MBNL1: variants seen among roughly 807,000 people sequenced by gnomAD.
The protein encoded by MBNL1 is muscleblind like splicing regulator 1.
Under a neutral mutation model 42.2 loss-of-function variants are expected in MBNL1, and 8 were observed. The ratio of observed to expected loss-of-function variants is 0.19; its 90% CI spans 0.11 to 0.34. The LOEUF is 0.34. Ranked by LOEUF, MBNL1 falls within the 10% of genes least tolerant of loss-of-function variation. The pLI is 1.00. For synonymous variants in MBNL1, 169 were observed against 173.9 expected, an observed-to-expected ratio of 0.97 and a Z score of 0.22; for missense variants, 309 against 495.3, an observed-to-expected ratio of 0.62 and a Z score of 3.57.
At chr3:152,458,318 T>G (rs1308631030) in intron 8 of MBNL1, 1 of 771,478 alleles carries the variant, frequency 1.3e-6, no homozygotes, top group African/African-American at 1.7e-5. Flanking sequence ...CACGCCAGAC[T>G]GTGGATTGTA....
rs1173617672 is a variant in MBNL1 at position 152,444,615 on chromosome 3, C to T, written c.550-667C>T. On this transcript the variant is annotated intron_variant, in intron 4 of 9. Coordinates refer to ENST00000324210, the MANE Select transcript of MBNL1 (RefSeq NM_021038.5). The stretch of plus-strand genomic sequence containing the variant: ...TATCTTACATAACTGTAGAATCCCT[C>T]TTAAGACCAGAAAAATTAACATAGA... Among the ~76,000 whole-genome samples, 4 of 152,340 alleles carry T rather than the reference C, an allele frequency of 2.6e-5. No homozygotes were observed. In the South Asian group the frequency reaches 8.3e-4, roughly 32 times the overall value.
intron 2 of MBNL1, among the ~76,000 whole-genome samples, chr3:152,248,334 T>C (rs769017241): frequency 1.9e-4 from 29 of 152,170 alleles, no homozygotes; most frequent in Non-Finnish European, 3.8e-4. Flanking sequence ...AAACTCTTGT[T>C]ACACTTCACC....
At chr3:152,328,806 T>G (rs181824354) in intron 2 of MBNL1, among the ~76,000 whole-genome samples, 1 of 152,300 alleles carries the variant, frequency 6.6e-6, no homozygotes, top group East Asian at 1.9e-4. Flanking sequence ...TGGATTTTTT[T>G]AAAAACAATA....
intron 2 of MBNL1, among the ~76,000 whole-genome samples, chr3:152,358,140 G>C (rs2095661359): frequency 6.6e-6 from 1 of 152,176 alleles, no homozygotes; most frequent in Non-Finnish European, 1.5e-5. Context: ...CATCAGTGAG[G>C]ACAGTTTCAG....
At chr3:152,404,712 A>G (rs916638180) in intron 2 of MBNL1, among the ~76,000 whole-genome samples, 5 of 150,014 alleles carry the variant, frequency 3.3e-5, no homozygotes, top group Non-Finnish European at 7.4e-5. Context: ...ATGTATATAT[A>G]CACACACAAA....
intron 2 of MBNL1, among the ~76,000 whole-genome samples, chr3:152,377,702 T>C (rs963986607): frequency 6.6e-6 from 1 of 152,220 alleles, no homozygotes; most frequent in Non-Finnish European, 1.5e-5. Context: ...TTTAAAATTA[T>C]TTAACATTGA....
chr3:152,272,265 A>G (rs764626591), intron 1 of MBNL1, among the ~76,000 whole-genome samples: 3 of 152,138 alleles, frequency 2.0e-5, no homozygotes, highest in Non-Finnish European at 4.4e-5. Flanking sequence ...CCAAAATTTG[A>G]GAAAACACAC....
chr3:152,437,374 G>A (rs2099092354), intron 4 of MBNL1, among the ~76,000 whole-genome samples: 2 of 152,106 alleles, frequency 1.3e-5, no homozygotes, highest in South Asian at 4.1e-4. Flanking sequence ...CACCCAGTGT[G>A]ATACTACAGA....
chr3:152,429,792 TTG>T (rs375863735), intron 3 of MBNL1, among the ~76,000 whole-genome samples: 52 of 149,544 alleles, frequency 3.5e-4, no homozygotes, highest in Admixed American at 2.7e-4. Flanking sequence ...TGGTGTGTGT[TTG>T]TGTGTGTGTG....
chr3:152,379,028 T>A (rs369856722), intron 2 of MBNL1, among the ~76,000 whole-genome samples: 40 of 152,296 alleles, frequency 2.6e-4, no homozygotes, highest in African/African-American at 8.9e-4. Context: ...AAGTTTAAAA[T>A]GTATGTTTGT....
At chr3:152,401,114 A>G (rs970948492) in intron 2 of MBNL1, among the ~76,000 whole-genome samples, 1 of 152,242 alleles carries the variant, frequency 6.6e-6, no homozygotes, top group African/African-American at 2.4e-5. Context: ...TAAGCTTTAC[A>G]GTATTGTCAA....
intron 1 of MBNL1, among the ~76,000 whole-genome samples, chr3:152,277,260 A>C (rs2045790293): frequency 6.6e-6 from 1 of 152,180 alleles, no homozygotes; most frequent in South Asian, 2.1e-4. Flanking sequence ...TGGTAATTTT[A>C]AAGTAAACAT....
chr3:152,381,738 A>G (rs2097188428), intron 2 of MBNL1, among the ~76,000 whole-genome samples: 1 of 151,816 alleles, frequency 6.6e-6, no homozygotes, highest in Non-Finnish European at 1.5e-5. Context: ...TTTGTTTTTA[A>G]TTTTTCTGAT....
rs2059153584 is a variant in MBNL1 at position 152,297,548 on chromosome 3, G to T, written c.-789-1857G>T. Among the ~76,000 whole-genome samples the T allele has an allele frequency of 1.3e-5, 2 of 151,848 alleles. 1 individual carries two copies. Among genetic ancestry groups the T allele is most frequent in the South Asian group, 4.2e-4 (2 of 4,808 alleles). On this transcript the variant is annotated intron_variant, in intron 1 of 9. Coordinates refer to ENST00000324210, the MANE Select transcript of MBNL1 (RefSeq NM_021038.5). The stretch of plus-strand genomic sequence containing the variant: ...GTATTTCAGTATTTTTAGAGACAGG[G>T]TTTTGCCATGTTGACCAGGTTGGTC...
intron 4 of MBNL1, among the ~76,000 whole-genome samples, chr3:152,436,075 A>T (rs1223692391): frequency 6.6e-6 from 1 of 152,112 alleles, no homozygotes; most frequent in Non-Finnish European, 1.5e-5. Context: ...GTGCTGATAA[A>T]TTTTACTGAG....
chr3:152,386,432 C>T (rs563851986), intron 2 of MBNL1, among the ~76,000 whole-genome samples: 2 of 152,132 alleles, frequency 1.3e-5, no homozygotes, highest in East Asian at 3.9e-4. Flanking sequence ...ATGGCAACAA[C>T]TTTTAATTGG....
intron 2 of MBNL1, among the ~76,000 whole-genome samples, chr3:152,316,323 G>A (rs914898223): frequency 6.6e-6 from 1 of 152,204 alleles, no homozygotes; most frequent in Non-Finnish European, 1.5e-5. Context: ...GAGTGTAAGA[G>A]ATTTTGCCAG....
At chr3:152,278,346 A>G (rs532961648) in intron 1 of MBNL1, among the ~76,000 whole-genome samples, 210 of 152,282 alleles carry the variant, frequency 1.4e-3, no homozygotes, top group Non-Finnish European at 2.4e-3. Flanking sequence ...AAGCATAGCA[A>G]AAGTGAACGA....
Position 152,327,644 on chromosome 3 carries a change from C to T in MBNL1, c.174+27277C>T, listed in dbSNP as rs188099423. On this transcript the variant is annotated intron_variant, in intron 2 of 9. Transcript: ENST00000324210. ...GATTATAGGCTTAAGCCACTGTGAC[C>T]GGCTGCTTTTTTCCTAGAATATATA... is the stretch of plus-strand genomic sequence containing the variant. Among the ~76,000 whole-genome samples the T allele has an allele frequency of 3.3e-5, 5 of 152,206 alleles. No homozygotes were observed. The East Asian group carries it at 7.7e-4, about 23-fold the overall frequency.
Sources: allele counts gnomAD v4.1 joint callset (sites outside exome capture counted in the v4.1 genomes callset), GRCh38; gene constraint gnomAD v4.1.1; transcripts MANE v1.5; gene names NCBI Gene and HGNC (gene_info 2026-07-23, HGNC 2026-07-21).